CNTNAP2: variants seen among roughly 807,000 people sequenced by gnomAD.
CNTNAP2 encodes contactin associated protein 2.
A neutral mutation model predicts 155.2 loss-of-function variants in CNTNAP2; 98 were observed. The observed-to-expected ratio is 0.63, with a 90% CI of 0.54 to 0.75. The LOEUF is 0.75. CNTNAP2 is among the 30% of genes least tolerant of loss of function. The probability of loss-of-function intolerance (pLI) is 0.00; values close to 1 mark genes in which losing one functional copy is unlikely to be tolerated. For synonymous variants in CNTNAP2, 651 were observed against 631.2 expected (o/e 1.03, Z -0.47); for missense variants, 1,727 against 1,688.1 (o/e 1.02, Z -0.40).
chr7:148,382,376 G>A (rs1024657897), intron 21 of CNTNAP2, among the ~76,000 whole-genome samples: 8 of 152,144 alleles, frequency 5.3e-5, no homozygotes, highest in Non-Finnish European at 1.2e-4. Context: ...GTTAAATTGA[G>A]ACCCCGCAGA....
chr7:148,038,665 T>C (rs1802613728), intron 15 of CNTNAP2, among the ~76,000 whole-genome samples: 1 of 152,218 alleles, frequency 6.6e-6, no homozygotes, highest in Admixed American at 6.5e-5. Context: ...AATGTTTCTT[T>C]AATTGGATTT....
At chr7:147,956,325 A>G (rs933406850) in intron 14 of CNTNAP2, among the ~76,000 whole-genome samples, 2 of 150,780 alleles carry the variant, frequency 1.3e-5, no homozygotes, top group Non-Finnish European at 3.0e-5. Flanking sequence ...GCTATCAGTG[A>G]GATAAGCACA....
At chr7:148,010,154 CTTGA>C (rs1802051587) in intron 15 of CNTNAP2, among the ~76,000 whole-genome samples, 1 of 151,794 alleles carries the variant, frequency 6.6e-6, no homozygotes, top group African/African-American at 2.4e-5. Flanking sequence ...TTTGGGTTTT[CTTGA>C]TTAAGGGTGA....
chr7:148,097,259 C>A (rs1356989305), intron 15 of CNTNAP2, among the ~76,000 whole-genome samples: 4 of 149,362 alleles, frequency 2.7e-5, no homozygotes, highest in Non-Finnish European at 4.4e-5. Flanking sequence ...ATGAGCATTC[C>A]CCGTCAGTGC....
At chr7:147,759,826 G>A (rs576120320) in intron 13 of CNTNAP2, among the ~76,000 whole-genome samples, 11 of 152,158 alleles carry the variant, frequency 7.2e-5, no homozygotes, top group African/African-American at 2.7e-4. Flanking sequence ...ATTTTCCACT[G>A]GGCCATATCC....
chr7:146,785,833 G>T (rs1351885434), intron 2 of CNTNAP2, among the ~76,000 whole-genome samples: 4 of 152,208 alleles, frequency 2.6e-5, no homozygotes, highest in Non-Finnish European at 5.9e-5. Flanking sequence ...AGCTGATAAA[G>T]CATGCCTTTC....
chr7:147,876,792 T>A (rs1799426449), intron 13 of CNTNAP2, among the ~76,000 whole-genome samples: 1 of 152,128 alleles, frequency 6.6e-6, no homozygotes, highest in Admixed American at 6.6e-5. Flanking sequence ...CCCACCAGCC[T>A]GAGACCACCA....
At chr7:148,325,288 A>G (rs1048578168) in intron 21 of CNTNAP2, among the ~76,000 whole-genome samples, 4 of 152,248 alleles carry the variant, frequency 2.6e-5, no homozygotes. Flanking sequence ...AAAACAGTGT[A>G]AGAAAAACAT....
At chr7:147,408,119 T>C (rs1170832224) in intron 10 of CNTNAP2, among the ~76,000 whole-genome samples, 1 of 152,206 alleles carries the variant, frequency 6.6e-6, no homozygotes, top group Non-Finnish European at 1.5e-5. Flanking sequence ...TTTGTAAACT[T>C]ATGGATTCTA....
rs553132735 is a variant in CNTNAP2, at chr7:148,100,682, TG to T, written c.2384-17435del. Reference sequence around the variant, plus strand: ...TTATGCCACATTATGTCACATTTTTTGTCCAAATGAATGCATGTTTCTTCAA... The same window carrying T: ...TTATGCCACATTATGTCACATTTTTTTCCAAATGAATGCATGTTTCTTCAA... On this transcript the variant is annotated intron_variant, in intron 15 of 23. Transcript: ENST00000361727. Among the ~76,000 whole-genome samples, 7 of 152,376 alleles carry T rather than the reference TG, an allele frequency of 4.6e-5. No individual in the cohort carries two copies. In the South Asian group the frequency reaches 1.4e-3, roughly 32 times the overall value.
chr7:148,240,512 G>A (rs12668674), intron 20 of CNTNAP2, among the ~76,000 whole-genome samples: 18,496 of 152,098 alleles, frequency 0.12, 1,996 homozygotes, highest in East Asian at 0.56. Flanking sequence ...GAGACCCCAC[G>A]GATTACAAAC....
intron 8 of CNTNAP2, among the ~76,000 whole-genome samples, chr7:147,250,298 A>G (rs913122226): frequency 6.6e-6 from 1 of 152,186 alleles, no homozygotes; most frequent in Non-Finnish European, 1.5e-5. Context: ...AAACTTTTGG[A>G]AGGATAGTTT....
intron 9 of CNTNAP2, among the ~76,000 whole-genome samples, chr7:147,308,696 G>A (rs1021306764): frequency 1.3e-5 from 2 of 152,134 alleles, no homozygotes; most frequent in African/African-American, 4.8e-5. Context: ...AATTTGTTCT[G>A]TATGTGGTCA....
chr7:147,474,840 A>G (rs372353065), intron 10 of CNTNAP2, among the ~76,000 whole-genome samples: 29 of 152,246 alleles, frequency 1.9e-4, no homozygotes, highest in African/African-American at 7.0e-4. Flanking sequence ...ACTCTGCCTT[A>G]TGGAGCTGAG....
At chr7:147,469,666 C>G (rs6968227) in intron 10 of CNTNAP2, among the ~76,000 whole-genome samples, 117,218 of 150,674 alleles carry the variant, frequency 0.78, 45,945 homozygotes, top group African/African-American at 0.87. Flanking sequence ...CTACAGGCGC[C>G]CGCCACCACG....
In CNTNAP2 at chr7:147,587,081, T is replaced by C. The variant is rs563897647; in HGVS notation, c.1897+24824T>C. ...CCAAAAAAGCAGTGAGGAAAGGAAG[T>C]GTTTGCAGCTAAAATACATTTAATT... On this transcript the variant is annotated intron_variant, in intron 12 of 23. Transcript: ENST00000361727. Among the ~76,000 whole-genome samples the C allele has an allele frequency of 9.6e-4, 146 of 152,298 alleles. 1 individual carries two copies. The highest frequency in any genetic ancestry group is 3.4e-3 in the Middle Eastern group (1 of 292).
intron 15 of CNTNAP2, among the ~76,000 whole-genome samples, chr7:148,073,095 A>C (rs953043068): frequency 2.0e-5 from 3 of 152,178 alleles, no homozygotes; most frequent in African/African-American, 4.8e-5. Context: ...AATTGCAACA[A>C]CTAGAAAATC....
intron 23 of CNTNAP2, among the ~76,000 whole-genome samples, chr7:148,413,401 A>AAAAAAAT (rs1442990213): frequency 4.4e-5 from 2 of 45,376 alleles, no homozygotes; most frequent in African/African-American, 2.5e-4. Flanking sequence ...TCAAAAAAAA[A>AAAAAAAT]ATATATATAT....
rs187608906 is a variant in CNTNAP2, at chr7:148,000,359, C to T, written c.2383+22370C>T. On this transcript the variant is annotated intron_variant, in intron 15 of 23. Coordinates refer to ENST00000361727, the MANE Select transcript of CNTNAP2 (RefSeq NM_014141.6). ...GGGATGATGTTGACAGCTATGATCA[C>T]ATAATAATAATTGTATGATAATGAT... Among the ~76,000 whole-genome samples the T allele has an allele frequency of 9.3e-4, 141 of 152,300 alleles. 1 individual carries two copies. The highest frequency in any genetic ancestry group is 3.2e-3 in the African/African-American group (134 of 41,552).
Sources: allele counts gnomAD v4.1 joint callset (sites outside exome capture counted in the v4.1 genomes callset), GRCh38; gene constraint gnomAD v4.1.1; transcripts MANE v1.5; gene names NCBI Gene and HGNC (gene_info 2026-07-23, HGNC 2026-07-21).